TG: variants seen among roughly 807,000 people sequenced by gnomAD.
The protein encoded by TG is thyroglobulin.
Under a neutral mutation model 324.7 loss-of-function variants are expected in TG, and 270 were observed. The observed-to-expected ratio is 0.83, with a 90% CI of 0.75 to 0.92. TG has a LOEUF of 0.92. TG is among the 40% of genes least tolerant of loss of function. The pLI, the probability that TG is intolerant of heterozygous loss-of-function variation, is 0.00. For missense variants in TG, 3,591 were observed against 3,456.4 expected, an observed-to-expected ratio of 1.04 and a Z score of -0.98; for synonymous variants, 1,401 against 1,327.0, an observed-to-expected ratio of 1.06 and a Z score of -1.21.
In TG at chr8:132,874,733, TA is replaced by T. The variant is rs899756074; in HGVS notation, c.638+1518del. ...CCATGAAATTTCTATTTTTGTAGGTTAAAAAATAGTTGAACATGAGAAGTTT... is the reference window on the plus strand; with the variant it reads ...CCATGAAATTTCTATTTTTGTAGGTTAAAAATAGTTGAACATGAGAAGTTT... On this transcript the variant is annotated intron_variant, in intron 5 of 47. Transcript: ENST00000220616. 3.9e-5 allele frequency among the ~76,000 whole-genome samples: 6 copies of T among 152,172 alleles called. No homozygotes were observed. The East Asian group carries it at 1.2e-3, about 29-fold the overall frequency.
chr8:133,103,123 A>C (rs1197338396), intron 43 of TG: 1 of 155,562 alleles, frequency 6.4e-6, no homozygotes, highest in Non-Finnish European at 1.4e-5. Flanking sequence ...TTAGGGTCTG[A>C]ACCCAGGGCA....
rs1368018743 is a variant in TG, at chr8:133,012,027, G to A, written c.6389G>A (p.Cys2130Tyr). The A allele has an allele frequency of 1.2e-6, 2 of 1,614,080 alleles. No individual in the cohort carries two copies. Among genetic ancestry groups the A allele is most frequent in the Non-Finnish European group, 1.7e-6 (2 of 1,180,040 alleles). ...TSNFSAVRDL[C>Y]LSECSQHEAC... is the part of the protein sequence containing the mutation. ...AATTTCTCTGCTGTCCGAGACCTCT[G>A]TTTGTCGGGTAAGGGGAGTTTCCAA... The change falls in exon 36 of 48, where the codon TGT (cysteine) becomes TAT (tyrosine). Residue 2130 changes from cysteine (C) to tyrosine (Y), a missense_variant. Transcript: ENST00000220616.
chr8:132,920,522 G>A (rs367853079), intron 21 of TG, among the ~76,000 whole-genome samples: 4 of 152,290 alleles, frequency 2.6e-5, no homozygotes, highest in African/African-American at 9.6e-5. Flanking sequence ...ACTCTTCACT[G>A]GGAAAATAGA....
intron 41 of TG, among the ~76,000 whole-genome samples, chr8:133,043,450 C>G (rs1838707698): frequency 6.6e-6 from 1 of 152,214 alleles, no homozygotes; most frequent in Admixed American, 6.5e-5. Context: ...TTTTACCTGG[C>G]TGCTAAGTTT....
Position 133,094,919 on chromosome 8 carries a change from A to G in TG, c.7240-125A>G, listed in dbSNP as rs1372052242. The G allele has an allele frequency of 1.6e-5, 21 of 1,308,272 alleles. No homozygotes were observed. In the East Asian group the frequency reaches 3.0e-4, roughly 19 times the overall value. 81.0% of individuals were successfully genotyped at this position (1,308,272 alleles called of 1,614,324 possible). On this transcript the variant is annotated intron_variant, in intron 41 of 47. Transcript: ENST00000220616. Reference sequence around the variant, plus strand: ...TCTTCCCATTGTGTGCAGCCCCAGAATGGGTCCTGGGACTCCCAAGCTTGG... The same window carrying G: ...TCTTCCCATTGTGTGCAGCCCCAGAGTGGGTCCTGGGACTCCCAAGCTTGG...
chr8:132,988,230 G>A lies in TG; in HGVS notation c.6262+4818G>A, dbSNP rs573280185. Reference sequence around the variant, plus strand: ...CCCCCAGATTCACCATAGACAGGCAGGAAAAGCACCACAAATATATTATGA... The same window carrying A: ...CCCCCAGATTCACCATAGACAGGCAAGAAAAGCACCACAAATATATTATGA... On this transcript the variant is annotated intron_variant, in intron 35 of 47. Coordinates refer to ENST00000220616, the MANE Select transcript of TG (RefSeq NM_003235.5). Among the ~76,000 whole-genome samples the A allele has an allele frequency of 2.0e-5, 3 of 152,258 alleles. 1 individual carries two copies. In the South Asian group the frequency reaches 6.2e-4, roughly 32 times the overall value.
intron 41 of TG, chr8:133,050,794 A>C (rs765446572): frequency 6.8e-7 from 1 of 1,469,562 alleles, no homozygotes; most frequent in Non-Finnish European, 9.5e-7. Flanking sequence ...AAGATTGCAC[A>C]AGTTTTGGAG....
At chr8:133,009,327 G>A (rs1834292925) in intron 35 of TG, among the ~76,000 whole-genome samples, 1 of 152,040 alleles carries the variant, frequency 6.6e-6, no homozygotes, top group Non-Finnish European at 1.5e-5. Context: ...ACATGTGGAG[G>A]ATGCTTAAGA....
At chr8:133,039,972 C>T (rs1222397316) in intron 41 of TG, 3 of 1,404,704 alleles carry the variant, frequency 2.1e-6, no homozygotes, top group Non-Finnish European at 1.9e-6. Context: ...CACACACACA[C>T]ACACACATAC....
At chr8:133,051,531 G>A (rs1490469129) in intron 41 of TG, among the ~76,000 whole-genome samples, 1 of 152,130 alleles carries the variant, frequency 6.6e-6, no homozygotes, top group Non-Finnish European at 1.5e-5. Flanking sequence ...CCCACGCTGG[G>A]CATCTATTTA....
intron 42 of TG, among the ~76,000 whole-genome samples, chr8:133,095,736 C>T (rs1452554420): frequency 2.6e-5 from 4 of 152,220 alleles, no homozygotes; most frequent in Admixed American, 6.5e-5. Flanking sequence ...GGGACATTAG[C>T]AGGAATAATT....
chr8:133,029,467 C>G (rs953752379), intron 40 of TG, among the ~76,000 whole-genome samples: 14 of 152,274 alleles, frequency 9.2e-5, no homozygotes, highest in Non-Finnish European at 1.8e-4. Flanking sequence ...AGTGGTGGAC[C>G]TGAAGCTGTG....
chr8:133,086,159 C>T (rs1846528038), intron 41 of TG, among the ~76,000 whole-genome samples: 1 of 152,168 alleles, frequency 6.6e-6, no homozygotes, highest in South Asian at 2.1e-4. Context: ...GGTAACTCTA[C>T]AGAGACAGAA....
intron 9 of TG, 35 bp from the exon 10 acceptor site, chr8:132,887,949 T>G: frequency 6.3e-7 from 1 of 1,580,464 alleles, no homozygotes; most frequent in Non-Finnish European, 8.6e-7. Flanking sequence ...GTTAAATTTC[T>G]TAAACTGAAA....
In TG at chr8:132,882,469, G is replaced by GAC. The variant is rs1814782363; in HGVS notation, c.746_747insAC (p.Glu251TrpfsTer152). 22 of 1,614,076 alleles carry GAC rather than the reference G, an allele frequency of 1.4e-5. No homozygotes were observed. Among genetic ancestry groups the GAC allele is most frequent in the Non-Finnish European group, 1.8e-5 (21 of 1,180,054 alleles). Reference sequence around the variant, plus strand: ...TGAAAGTCTTGCTGTCTTTGCTCAGGTTTGGAGTTGTTACTGGATGAAATT... The same window carrying GAC: ...TGAAAGTCTTGCTGTCTTTGCTCAGGACTTTGGAGTTGTTACTGGATGAAATT... On this transcript the variant is annotated frameshift_variant and splice_region_variant, in exon 7 of 48. Transcript: ENST00000220616. LOFTEE classifies it high-confidence loss of function.
chr8:133,049,795 A>T, intron 41 of TG: 1 of 813,336 alleles, frequency 1.2e-6, no homozygotes, highest in Non-Finnish European at 2.2e-6. Flanking sequence ...TCTCTTCTTG[A>T]CCCAGTGCCT....
At chr8:133,091,739 G>A (rs1236614806) in intron 41 of TG, among the ~76,000 whole-genome samples, 1 of 151,814 alleles carries the variant, frequency 6.6e-6, no homozygotes, top group South Asian at 2.1e-4. Context: ...TATGTGTGTG[G>A]GTGTATATTT....
chr8:132,908,040 T>C (rs1379476360), intron 17 of TG, 146 bp from the exon 18 acceptor site: 5 of 931,238 alleles, frequency 5.4e-6, no homozygotes, highest in Non-Finnish European at 8.4e-6. Flanking sequence ...TGGAAAGTAC[T>C]TAGACTCAGA....
chr8:133,131,676 A>C (rs529402800), intron 45 of TG, 136 bp from the exon 46 acceptor site: 5 of 1,323,840 alleles, frequency 3.8e-6, no homozygotes, highest in Non-Finnish European at 5.1e-6. Context: ...ACTGGGCCCT[A>C]AACAGGATAC....
Sources: allele counts gnomAD v4.1 joint callset (sites outside exome capture counted in the v4.1 genomes callset), GRCh38; gene constraint gnomAD v4.1.1; transcripts MANE v1.5; gene names NCBI Gene and HGNC (gene_info 2026-07-23, HGNC 2026-07-21).